The following RASAL2 variants were observed in gnomAD, a reference collection of about 807,000 sequenced individuals.
RASAL2 encodes the protein RAS protein activator like 2.
A neutral mutation model predicts 128.9 loss-of-function variants in RASAL2; 58 were observed. The ratio of observed to expected loss-of-function variants is 0.45; its 90% CI spans 0.36 to 0.56. The LOEUF is 0.56. RASAL2 is among the 20% of genes least tolerant of loss of function. RASAL2 has a pLI of 0.00. For synonymous variants in RASAL2, 561 were observed against 580.8 expected, an observed-to-expected ratio of 0.97 and a Z score of 0.49; for missense variants, 1,360 against 1,601.6, an observed-to-expected ratio of 0.85 and a Z score of 2.57.
chr1:178,241,297 G>T (rs1172913809), intron 1 of RASAL2, among the ~76,000 whole-genome samples: 1 of 152,124 alleles, frequency 6.6e-6, no homozygotes, highest in African/African-American at 2.4e-5. Context: ...GATATGGAAA[G>T]ATCTCCAAGC....
At chr1:178,178,436 T>C (rs1049408719) in intron 1 of RASAL2, among the ~76,000 whole-genome samples, 8 of 152,284 alleles carry the variant, frequency 5.3e-5, no homozygotes, top group Non-Finnish European at 1.0e-4. Context: ...TTTTTTCCTC[T>C]GAGATACTTT....
intron 1 of RASAL2, among the ~76,000 whole-genome samples, chr1:178,203,970 C>G (rs146396952): frequency 6.6e-6 from 1 of 152,200 alleles, no homozygotes; most frequent in East Asian, 1.9e-4. Flanking sequence ...GAAAAAAAAC[C>G]ATGACCTGCT....
At chr1:178,211,051 C>T (rs535629250) in intron 1 of RASAL2, among the ~76,000 whole-genome samples, 1 of 152,184 alleles carries the variant, frequency 6.6e-6, no homozygotes, top group Non-Finnish European at 1.5e-5. Context: ...CCCTGTCAAG[C>T]CTGGTCTCTG....
intron 1 of RASAL2, among the ~76,000 whole-genome samples, chr1:178,251,421 A>G (rs143311210): frequency 2.0e-5 from 3 of 152,296 alleles, no homozygotes; most frequent in Admixed American, 2.0e-4. Context: ...TTTCCTCATC[A>G]CTTAAGAAAT....
chr1:178,317,597 T>C (rs1668549986), intron 3 of RASAL2, among the ~76,000 whole-genome samples: 1 of 149,868 alleles, frequency 6.7e-6, no homozygotes. Context: ...TTTGTAGTAT[T>C]CTCTGATGGT....
At chr1:178,242,423 TTCTCTCTC>T (rs58914415) in intron 1 of RASAL2, among the ~76,000 whole-genome samples, 1,921 of 84,968 alleles carry the variant, frequency 0.023, 70 homozygotes, top group East Asian at 0.031. Context: ...TTATAATTCA[TTCTCTCTC>T]TCTCTCTCTC....
intron 1 of RASAL2, among the ~76,000 whole-genome samples, chr1:178,245,146 C>T (rs557088132): frequency 5.9e-5 from 9 of 152,314 alleles, no homozygotes; most frequent in South Asian, 2.1e-4. Flanking sequence ...CTTGAGGAAT[C>T]GCCACACTGT....
intron 1 of RASAL2, among the ~76,000 whole-genome samples, chr1:178,260,091 G>A (rs954541150): frequency 6.6e-6 from 1 of 151,284 alleles, no homozygotes; most frequent in Non-Finnish European, 1.5e-5. Flanking sequence ...GTTGGCTCAC[G>A]CCTGTAATCC....
intron 1 of RASAL2, among the ~76,000 whole-genome samples, chr1:178,171,937 G>C (rs528665775): frequency 6.6e-6 from 1 of 152,082 alleles, no homozygotes; most frequent in South Asian, 2.1e-4. Flanking sequence ...TGTTCCTGGA[G>C]AGCTTTTTCA....
rs1648504593 is a variant in RASAL2 at position 178,473,992 on chromosome 1, G to C, written c.*753G>C. 6.6e-6 allele frequency: 1 copy of C among 152,194 alleles called. No individual in the cohort carries two copies. The highest frequency in any genetic ancestry group is 2.1e-4 in the South Asian group (1 of 4,818). The allele number at this position is 152,194 out of a possible 1,614,324, so 9.4% of individuals were successfully genotyped here. Reference sequence around the variant, plus strand: ...GATGGGAGTCTTCTCTTTTAGACAGGGGCTTTTTGTTTTTAACCCCAATTG... The same window carrying C: ...GATGGGAGTCTTCTCTTTTAGACAGCGGCTTTTTGTTTTTAACCCCAATTG... On this transcript the variant is annotated 3_prime_UTR_variant, in exon 18 of 18. Transcript: ENST00000367649.
intron 1 of RASAL2, among the ~76,000 whole-genome samples, chr1:178,270,172 G>GT (rs1330464532): frequency 2.0e-5 from 3 of 151,442 alleles, no homozygotes; most frequent in South Asian, 2.1e-4. Flanking sequence ...ATACATAACT[G>GT]TTTTTTTTCT....
chr1:178,441,442 A>G, intron 6 of RASAL2, 107 bp from the exon 7 acceptor site: 4 of 711,240 alleles, frequency 5.6e-6, no homozygotes, highest in Non-Finnish European at 9.6e-6. Context: ...TAATTCCAGG[A>G]CATTTCGACC....
chr1:178,436,027 A>C (rs1676233923), intron 5 of RASAL2, among the ~76,000 whole-genome samples: 1 of 152,120 alleles, frequency 6.6e-6, no homozygotes, highest in South Asian at 2.1e-4. Flanking sequence ...CTCTGTAGTT[A>C]GTAGATCTAA....
At chr1:178,099,046 GAC>G (rs973225229) in intron 1 of RASAL2, among the ~76,000 whole-genome samples, 5 of 152,136 alleles carry the variant, frequency 3.3e-5, no homozygotes, top group South Asian at 2.1e-4. Flanking sequence ...CACCAATTAA[GAC>G]ACAGGATGAG....
At chr1:178,107,286 A>G (rs1218913690) in intron 1 of RASAL2, among the ~76,000 whole-genome samples, 2 of 152,106 alleles carry the variant, frequency 1.3e-5, no homozygotes, top group African/African-American at 2.4e-5. Flanking sequence ...AATGTATTAC[A>G]AGCATTTTTG....
rs1019122381 is a variant in RASAL2, at chr1:178,440,969, A to G, written c.829-580A>G. 6.7e-4 allele frequency among the ~76,000 whole-genome samples: 102 copies of G among 152,190 alleles called. 1 individual carries two copies. The highest frequency in any genetic ancestry group is 5.9e-4 in the Admixed American group (9 of 15,268). ...CCTATTTTTTACTAACTCAAAGTTG[A>G]ACATATTTATTTGCAGGTAATTTAA... On this transcript the variant is annotated intron_variant, in intron 6 of 17. Transcript: ENST00000367649.
At position 178,443,007 on chromosome 1, in the gene RASAL2, T is replaced by G. The variant is rs949568478; in HGVS notation, c.1260T>G (p.Pro420=). 5 of 1,613,954 alleles carry G rather than the reference T, an allele frequency of 3.1e-6. No individual in the cohort carries two copies. In the African/African-American group the frequency reaches 6.7e-5, roughly 22 times the overall value. ...FVEKWYPVST[P]TPNKGKTGGP... ...AAAAGTGGTATCCAGTGAGTACACC[T>G]ACACCCAACAAAGGAAAGACAGGAG... is the stretch of plus-strand genomic sequence containing the variant. Residue 420 remains proline (P), a synonymous_variant, in exon 8 of 18, where the codon CCT becomes CCG. Transcript: ENST00000367649.
chr1:178,351,856 C>G (rs1416971185), intron 3 of RASAL2, among the ~76,000 whole-genome samples: 1 of 152,154 alleles, frequency 6.6e-6, no homozygotes, highest in Non-Finnish European at 1.5e-5. Context: ...AGCCATTAGC[C>G]CTTTTCCCAT....
At chr1:178,279,210 A>G (rs1666666329) in intron 1 of RASAL2, among the ~76,000 whole-genome samples, 1 of 152,188 alleles carries the variant, frequency 6.6e-6, no homozygotes, top group Non-Finnish European at 1.5e-5. Flanking sequence ...GTTATATATT[A>G]TAGTTACATA....
Sources: gnomAD v4.1 joint callset for allele counts (sites outside exome capture counted in the v4.1 genomes callset) on GRCh38, gnomAD v4.1.1 for gene constraint, MANE v1.5 for transcripts, NCBI Gene and HGNC (gene_info 2026-07-23, HGNC 2026-07-21) for gene names.